The following SNTB1 variants were observed in gnomAD, a reference collection of about 807,000 sequenced individuals.
SNTB1 encodes the protein beta-1-syntrophin.
Under a neutral mutation model 48.9 loss-of-function variants are expected in SNTB1, and 36 were observed. The ratio of observed to expected loss-of-function variants is 0.74; its 90% CI spans 0.56 to 0.97. SNTB1 has a LOEUF of 0.97. SNTB1 is among the 50% of genes least tolerant of loss of function. SNTB1 has a pLI of 0.00. For missense variants in SNTB1, 786 were observed against 703.4 expected, an observed-to-expected ratio of 1.12 and a Z score of -1.33; for synonymous variants, 299 against 294.6, an observed-to-expected ratio of 1.01 and a Z score of -0.15.
At chr8:120,728,408 G>T (rs1027825650) in intron 1 of SNTB1, among the ~76,000 whole-genome samples, 1 of 152,234 alleles carries the variant, frequency 6.6e-6, no homozygotes, top group South Asian at 2.1e-4. Flanking sequence ...GTGACGCTGA[G>T]GTTTGGGATA....
intron 1 of SNTB1, among the ~76,000 whole-genome samples, chr8:120,759,933 C>T (rs1819387655): frequency 6.6e-6 from 1 of 152,092 alleles, no homozygotes; most frequent in Admixed American, 6.6e-5. Flanking sequence ...TTAACCAGGA[C>T]CTATGTCTAG....
At position 120,583,512 on chromosome 8, in the gene SNTB1, AAAACACACAC is replaced by A. The variant is rs1324191383; in HGVS notation, c.997-8297_997-8288del. 5.1e-5 allele frequency among the ~76,000 whole-genome samples: 4 copies of A among 78,262 alleles called. No individual in the cohort carries two copies. In the East Asian group the frequency reaches 9.2e-4, roughly 18 times the overall value. 51.3% of individuals were successfully genotyped at this position (78,262 alleles called of 152,430 possible). A position where few individuals can be genotyped will look rare whatever the true frequency, so the allele number is the denominator to read the frequency against. ...GGGTGAAAGAGGGAAACTCCGTCTC[AAAACACACAC>A]ACACACACACACACACACACACACA... On this transcript the variant is annotated intron_variant, in intron 3 of 6. Transcript: ENST00000517992.
intron 2 of SNTB1, among the ~76,000 whole-genome samples, chr8:120,690,973 C>T (rs1192174714): frequency 6.6e-6 from 1 of 152,226 alleles, no homozygotes. Context: ...GGTTCTCACA[C>T]CACAGCAGAA....
At chr8:120,805,973 G>T (rs6985457) in intron 1 of SNTB1, among the ~76,000 whole-genome samples, 27,591 of 152,174 alleles carry the variant, frequency 0.18, 5,276 homozygotes, top group African/African-American at 0.46. Context: ...ATAGGGATAC[G>T]AATAGCATTG....
intron 3 of SNTB1, among the ~76,000 whole-genome samples, chr8:120,615,994 G>A (rs1416619216): frequency 2.0e-5 from 3 of 151,998 alleles, no homozygotes; most frequent in Admixed American, 6.6e-5. Flanking sequence ...CTCAGGGTGG[G>A]GCCTCCTAAA....
rs28610208 is a variant in SNTB1 at position 120,793,412 on chromosome 8, A to G, written c.571+17861T>C. Among the ~76,000 whole-genome samples, 357 of 152,154 alleles carry G rather than the reference A, an allele frequency of 2.3e-3. 1 individual carries two copies. Among genetic ancestry groups the G allele is most frequent in the African/African-American group, 8.2e-3 (341 of 41,538 alleles). On this transcript the variant is annotated intron_variant, in intron 1 of 6. Transcript: ENST00000517992. The stretch of plus-strand genomic sequence containing the variant: ...ATTAAATACGATAACCTCCTGGTGG[A>G]TTTTTCCACAGCAGTTGCAGTAACC...
intron 2 of SNTB1, among the ~76,000 whole-genome samples, chr8:120,675,566 C>T (rs1054971234): frequency 2.0e-5 from 3 of 152,164 alleles, no homozygotes; most frequent in African/African-American, 7.2e-5. Flanking sequence ...CAGGAACACA[C>T]ATACTTATCA....
intron 3 of SNTB1, among the ~76,000 whole-genome samples, chr8:120,597,449 C>T (rs1372428039): frequency 6.6e-6 from 1 of 152,226 alleles, no homozygotes; most frequent in Non-Finnish European, 1.5e-5. Flanking sequence ...TTTTTATAAG[C>T]ACGTGTGATT....
chr8:120,564,638 G>A lies in SNTB1; in HGVS notation c.1136+10448C>T, dbSNP rs923404997. On this transcript the variant is annotated intron_variant, in intron 4 of 6. Transcript: ENST00000517992. ...GGTTGGAGTGCAATGGCGTGATATC[G>A]GCTCACTGCAACCTCCGCCTCCCAG... is the stretch of plus-strand genomic sequence containing the variant. Among the ~76,000 whole-genome samples the A allele has an allele frequency of 1.7e-4, 21 of 124,020 alleles. No individual in the cohort carries two copies. In the East Asian group the frequency reaches 1.7e-3, roughly 10 times the overall value. 81.4% of individuals were successfully genotyped at this position (124,020 alleles called of 152,430 possible).
intron 4 of SNTB1, among the ~76,000 whole-genome samples, chr8:120,549,380 A>G (rs1204095255): frequency 6.6e-6 from 1 of 152,192 alleles, no homozygotes; most frequent in Non-Finnish European, 1.5e-5. Context: ...TAGTTTGAAC[A>G]TCTGGCTGCA....
chr8:120,628,555 G>A (rs1027429836), intron 3 of SNTB1, among the ~76,000 whole-genome samples: 2 of 152,052 alleles, frequency 1.3e-5, no homozygotes, highest in African/African-American at 2.4e-5. Flanking sequence ...TCAGGAGTTC[G>A]AGACCATCCT....
At chr8:120,573,233 A>G (rs560401520) in intron 4 of SNTB1, among the ~76,000 whole-genome samples, 19 of 152,206 alleles carry the variant, frequency 1.2e-4, no homozygotes, top group Non-Finnish European at 2.4e-4. Flanking sequence ...AACACTCATT[A>G]TCATTTGTCT....
intron 2 of SNTB1, among the ~76,000 whole-genome samples, chr8:120,683,788 G>C (rs1045594703): frequency 6.6e-6 from 1 of 152,008 alleles, no homozygotes; most frequent in Non-Finnish European, 1.5e-5. Flanking sequence ...TGAGTACAGA[G>C]AGAAAAAAAA....
intron 1 of SNTB1, among the ~76,000 whole-genome samples, chr8:120,720,551 T>C (rs1045255641): frequency 1.3e-5 from 2 of 152,244 alleles, no homozygotes; most frequent in African/African-American, 4.8e-5. Context: ...CGGCTTTCCC[T>C]TTCTGCCTGA....
At chr8:120,632,000 T>C (rs536181872) in intron 3 of SNTB1, among the ~76,000 whole-genome samples, 35 of 152,336 alleles carry the variant, frequency 2.3e-4, no homozygotes, top group African/African-American at 8.4e-4. Flanking sequence ...TAATTCTTGC[T>C]GTTATTTGTA....
chr8:120,779,225 C>T (rs369628614), intron 1 of SNTB1, among the ~76,000 whole-genome samples: 3 of 152,202 alleles, frequency 2.0e-5, no homozygotes, highest in South Asian at 2.1e-4. Flanking sequence ...AACTGTAAGG[C>T]TGGGCGTGGT....
chr8:120,806,842 A>C lies in SNTB1; in HGVS notation c.571+4431T>G, dbSNP rs566193467. Among the ~76,000 whole-genome samples the C allele has an allele frequency of 2.0e-5, 3 of 152,358 alleles. No homozygotes were observed. In the South Asian group the frequency reaches 6.2e-4, roughly 32 times the overall value. ...CATCCTAAATAAAATAAGATTCCTT[A>C]AAATTCAAATTTTCTTCCAATCCTG... is the stretch of plus-strand genomic sequence containing the variant. On this transcript the variant is annotated intron_variant, in intron 1 of 6. Coordinates refer to ENST00000517992, the MANE Select transcript of SNTB1 (RefSeq NM_021021.4).
chr8:120,727,499 A>G (rs1251743790), intron 1 of SNTB1, among the ~76,000 whole-genome samples: 2 of 152,348 alleles, frequency 1.3e-5, no homozygotes, highest in South Asian at 2.1e-4. Context: ...CGTGATGAGT[A>G]TTAAATGTGA....
intron 5 of SNTB1, 170 bp from the exon 6 acceptor site, chr8:120,542,170 G>A (rs1815299785): frequency 1.7e-6 from 1 of 582,420 alleles, no homozygotes; most frequent in Non-Finnish European, 2.9e-6. Context: ...ATTTATTTTG[G>A]TGTTGTAATT....
Sources: gnomAD v4.1 joint callset for allele counts (sites outside exome capture counted in the v4.1 genomes callset) on GRCh38, gnomAD v4.1.1 for gene constraint, MANE v1.5 for transcripts, NCBI Gene and HGNC (gene_info 2026-07-23, HGNC 2026-07-21) for gene names.